C4orf50: variants seen among roughly 807,000 people sequenced by gnomAD.
The protein encoded by C4orf50 is uncharacterized protein C4orf50.
A neutral mutation model predicts 77.2 loss-of-function variants in C4orf50; 80 were observed. That is an observed-to-expected ratio of 1.04 (90% CI 0.87 to 1.25). The LOEUF (loss-of-function observed/expected upper bound fraction) is 1.25. Ranked by LOEUF, C4orf50 falls within the 50% of genes most tolerant of loss-of-function variation. The pLI is 0.00. For missense variants in C4orf50, 1,257 were observed against 1,152.9 expected (o/e 1.09, Z -1.31); for synonymous variants, 532 against 465.3 (o/e 1.14, Z -1.84).
rs531038256 is a variant in C4orf50 at position 5,973,608 on chromosome 4, G to A, written c.4104+51C>T. On this transcript the variant is annotated intron_variant, in intron 31 of 33. Transcript: ENST00000531445. Reference sequence around the variant, plus strand: ...AGTCAGGCAGGGGCATGCAAGGGACGCGCCCACACTCCCATAGGAAGCACA... The same window carrying A: ...AGTCAGGCAGGGGCATGCAAGGGACACGCCCACACTCCCATAGGAAGCACA... 6.3e-5 allele frequency: 92 copies of A among 1,458,672 alleles called. No individual in the cohort carries two copies. The East Asian group carries it at 1.5e-3, about 24-fold the overall frequency. The allele number at this position is 1,458,672 out of a possible 1,614,324, so 90.4% of individuals were successfully genotyped here.
At chr4:5,927,249 G>A (rs1717556616) in intron 7 of C4orf50, among the ~76,000 whole-genome samples, 2 of 152,054 alleles carry the variant, frequency 1.3e-5, no homozygotes, top group Non-Finnish European at 1.5e-5. Flanking sequence ...CAGCTCAGAG[G>A]GTCATGTGTG....
chr4:5,940,510 C>T (rs576813390), intron 7 of C4orf50, among the ~76,000 whole-genome samples: 1 of 152,250 alleles, frequency 6.6e-6, no homozygotes, highest in South Asian at 2.1e-4. Context: ...CAACATTTTG[C>T]TATGTGGATA....
downstream of C4orf50, chr4:5,957,022 T>C (rs1283450662): frequency 6.6e-6 from 1 of 152,290 alleles, no homozygotes; most frequent in Non-Finnish European, 1.5e-5. Context: ...CATCCTGTAC[T>C]GTGCCCCAGG....
At chr4:5,965,536 G>T (rs528361347) in intron 32 of C4orf50, among the ~76,000 whole-genome samples, 9 of 152,228 alleles carry the variant, frequency 5.9e-5, no homozygotes, top group Non-Finnish European at 1.2e-4. Context: ...AACTCAATCG[G>T]TCTAGCGCGT....
chr4:5,950,658 A>T (rs1404591917), intron 7 of C4orf50, among the ~76,000 whole-genome samples: 2 of 151,942 alleles, frequency 1.3e-5, no homozygotes, highest in Non-Finnish European at 2.9e-5. Context: ...GACTGATAAC[A>T]TCCAATAGAA....
chr4:5,945,134 C>A (rs569133613), intron 7 of C4orf50, among the ~76,000 whole-genome samples: 1 of 152,326 alleles, frequency 6.6e-6, no homozygotes, highest in East Asian at 1.9e-4. Context: ...GGTTTTGCGG[C>A]CCTTCCTGGG....
Position 5,992,402 on chromosome 4 carries a change from C to T in C4orf50, c.1221+401G>A, listed in dbSNP as rs1197605455. Among the ~76,000 whole-genome samples the T allele has an allele frequency of 6.6e-6, 1 of 151,992 alleles. No homozygotes were observed. Among genetic ancestry groups the T allele is most frequent in the Non-Finnish European group, 1.5e-5 (1 of 67,988 alleles). ...GCAGGCTCCTGACCCTCAGGGCCAG[C>T]ATGGGGCAGTGTGGGCCGTCGAGCC... On this transcript the variant is annotated intron_variant, in intron 27 of 33. Coordinates refer to ENST00000531445, the Ensembl canonical transcript of C4orf50. This position sits in a 1 kb window ranked among gnomAD's most constrained non-coding sequence, Gnocchi z 5.0.
At position 5,976,287 on chromosome 4, in the gene C4orf50, A is replaced by G. The variant is rs1382600218; in HGVS notation, c.3865-332T>C. Among the ~76,000 whole-genome samples, 4 of 151,918 alleles carry G rather than the reference A, an allele frequency of 2.6e-5. No individual in the cohort carries two copies. The East Asian group carries it at 7.8e-4, about 30-fold the overall frequency. ...AGTGAAACCCCATCTCTACTAAAAA[A>G]AAAAATACAAAAAAAAAAATTAGCC... On this transcript the variant is annotated intron_variant, in intron 29 of 33. Transcript: ENST00000531445.
intron 29 of C4orf50, among the ~76,000 whole-genome samples, chr4:5,976,927 G>A (rs1351625887): frequency 6.6e-6 from 1 of 152,258 alleles, no homozygotes; most frequent in Non-Finnish European, 1.5e-5. Flanking sequence ...AGAATGCAGT[G>A]GAAGTGGCCC....
At chr4:6,014,183 G>T (rs1560605723) in intron 23 of C4orf50, among the ~76,000 whole-genome samples, 1 of 152,088 alleles carries the variant, frequency 6.6e-6, no homozygotes, top group Admixed American at 6.6e-5. Context: ...TGTATTTTTA[G>T]TAGAGACAGG....
chr4:5,976,403 C>A (rs151328654), intron 29 of C4orf50, among the ~76,000 whole-genome samples: 2,082 of 148,556 alleles, frequency 0.014, 42 homozygotes, highest in African/African-American at 0.048. Flanking sequence ...TTGCAGTGAG[C>A]CGAGATTGCG....
intron 25 of C4orf50, among the ~76,000 whole-genome samples, chr4:6,004,128 A>G (rs1577991793): frequency 1.2e-5 from 1 of 81,056 alleles, no homozygotes; most frequent in South Asian, 4.5e-4. Context: ...GGTGATAGTG[A>G]TGATGGTGAT....
chr4:5,900,748 C>A lies in C4orf50; in HGVS notation c.*2475-2560G>T. ...ATGTCAGTTAACCTCATCTGGGAAT[C>A]AGTTTCCTCGCCTGTAAAATGGGGA... is the stretch of plus-strand genomic sequence containing the variant. On this transcript the variant is annotated intron_variant, in intron 7 of 7. Coordinates refer to the C4orf50 transcript ENST00000324058. This position sits in a 1 kb window ranked among gnomAD's most constrained non-coding sequence, Gnocchi z 4.3. 1 of 152,328 alleles carries A rather than the reference C, an allele frequency of 6.6e-6. No homozygotes were observed. The highest frequency in any genetic ancestry group is 1.5e-5 in the Non-Finnish European group (1 of 68,046). 9.4% of individuals were successfully genotyped at this position (152,328 alleles called of 1,614,324 possible). A position where few individuals can be genotyped will look rare whatever the true frequency, so the allele number is the denominator to read the frequency against.
At chr4:5,989,909 C>G in exon 28 of C4orf50, 1 of 1,430,258 alleles carries the variant, frequency 7.0e-7, no homozygotes, top group Non-Finnish European at 9.1e-7. Context: ...AGAAGCAGAG[C>G]ATTTCCAAGC....
exon 28 of C4orf50, chr4:5,989,568 G>A: frequency 6.5e-7 from 1 of 1,536,146 alleles, no homozygotes; most frequent in East Asian, 2.4e-5. Flanking sequence ...AGCACTGCCA[G>A]CCCCTGCTGC....
intron 28 of C4orf50, among the ~76,000 whole-genome samples, chr4:5,985,624 G>C (rs1720815737): frequency 6.6e-6 from 1 of 151,798 alleles, no homozygotes; most frequent in African/African-American, 2.4e-5. Context: ...AGGAAAGAAA[G>C]AATAAAAGAA....
intron 7 of C4orf50, among the ~76,000 whole-genome samples, chr4:5,914,238 T>C (rs1278009390): frequency 7.5e-6 from 1 of 132,832 alleles, no homozygotes; most frequent in Non-Finnish European, 1.5e-5. Flanking sequence ...GGAGTCTCGC[T>C]CTGTCGCCCA....
intron 7 of C4orf50, among the ~76,000 whole-genome samples, chr4:5,918,826 G>T (rs1470926402): frequency 1.3e-5 from 2 of 152,202 alleles, no homozygotes; most frequent in Admixed American, 1.3e-4. Context: ...AACGACTGGG[G>T]AGCTGCCAAA....
In C4orf50 at chr4:6,000,871, TC is replaced by T. The variant is rs1211597877; in HGVS notation, c.964-6396del. Reference sequence around the variant, plus strand: ...CCATATTACCGTCTGAATTTTCATGTCCCCCCAAAACTCATCCGTTAAAACC... The same window carrying T: ...CCATATTACCGTCTGAATTTTCATGTCCCCCAAAACTCATCCGTTAAAACC... On this transcript the variant is annotated intron_variant, in intron 25 of 33. Transcript: ENST00000531445. This position sits in a 1 kb window ranked among gnomAD's most constrained non-coding sequence, Gnocchi z 6.0. Among the ~76,000 whole-genome samples the T allele has an allele frequency of 6.6e-5, 10 of 151,956 alleles. No individual in the cohort carries two copies. The highest frequency in any genetic ancestry group is 2.6e-4 in the Admixed American group (4 of 15,250).
Sources: allele counts gnomAD v4.1 joint callset (sites outside exome capture counted in the v4.1 genomes callset), GRCh38; gene constraint gnomAD v4.1.1; non-coding constraint Gnocchi (gnomAD v3.1); transcripts MANE v1.5; gene names NCBI Gene and HGNC (gene_info 2026-07-23, HGNC 2026-07-21).